PECAM1: variants seen among roughly 807,000 people sequenced by gnomAD.
PECAM1 encodes platelet and endothelial cell adhesion molecule 1, also known as platelet endothelial cell adhesion molecule.
In PECAM1, 8 loss-of-function variants were observed where a neutral mutation model predicts 13.8. The observed-to-expected ratio is 0.58, with a 90% CI of 0.34 to 1.05. The LOEUF (loss-of-function observed/expected upper bound fraction) is 1.05, where lower values mean the gene tolerates loss of function less well. Among genes scored for constraint, PECAM1 ranks in the 50% least tolerant of loss-of-function variants. The pLI is 0.03. For synonymous variants in PECAM1, 136 were observed against 52.6 expected (o/e 2.58, Z -6.86); for missense variants, 304 against 141.2 (o/e 2.15, Z -5.84).
intron 2 of PECAM1, among the ~76,000 whole-genome samples, chr17:64,379,406 G>A (rs1344448650): frequency 6.6e-6 from 1 of 152,172 alleles, no homozygotes; most frequent in African/African-American, 2.4e-5. Context: ...CAGTTGGTTG[G>A]TTGTGGGCAA....
intron 14 of PECAM1, among the ~76,000 whole-genome samples, chr17:64,330,873 A>G (rs1262361402): frequency 6.6e-6 from 1 of 152,094 alleles, no homozygotes; most frequent in Non-Finnish European, 1.5e-5. Flanking sequence ...GGCTTTATAA[A>G]CTTTTTCTGA....
intron 2 of PECAM1, among the ~76,000 whole-genome samples, chr17:64,378,415 G>A (rs1279159390): frequency 1.3e-5 from 2 of 152,166 alleles, no homozygotes; most frequent in Non-Finnish European, 2.9e-5. Context: ...ACCAAGGTGG[G>A]TGGATCACCT....
chr17:64,330,722 T>C (rs34228997), intron 14 of PECAM1, among the ~76,000 whole-genome samples: 70,703 of 150,490 alleles, frequency 0.47, 17,799 homozygotes, highest in East Asian at 0.69. Context: ...AAAAATGATA[T>C]CTGGCCTCAT....
intron 2 of PECAM1, among the ~76,000 whole-genome samples, chr17:64,387,549 T>A (rs73345167): frequency 0.027 from 4,141 of 152,156 alleles, 80 homozygotes; most frequent in Middle Eastern, 0.078. Flanking sequence ...GGAGAGGGAC[T>A]TGAATGCACG....
intron 14 of PECAM1, among the ~76,000 whole-genome samples, chr17:64,333,044 T>C (rs2035171553): frequency 6.6e-6 from 1 of 152,076 alleles, no homozygotes; most frequent in Non-Finnish European, 1.5e-5. Flanking sequence ...TCCCAGCTAC[T>C]TGGAAGCCTG....
chr17:64,348,675 C>T (rs1021295889), intron 12 of PECAM1, among the ~76,000 whole-genome samples: 6 of 152,122 alleles, frequency 3.9e-5, no homozygotes, highest in African/African-American at 1.4e-4. Flanking sequence ...TGACCTCAAG[C>T]GATCCGCCCA....
intron 14 of PECAM1, among the ~76,000 whole-genome samples, chr17:64,330,289 G>C (rs112591191): frequency 2.6e-5 from 4 of 151,992 alleles, no homozygotes; most frequent in African/African-American, 9.7e-5. Flanking sequence ...AAAGTGCTGG[G>C]ATTACAAGTG....
At chr17:64,374,064 C>A (rs1272806261) in intron 4 of PECAM1, among the ~76,000 whole-genome samples, 1 of 152,084 alleles carries the variant, frequency 6.6e-6, no homozygotes, top group African/African-American at 2.4e-5. Flanking sequence ...AGGCTGAGGA[C>A]CTGGCCCCTC....
At chr17:64,325,545 G>A (rs1391099294) in intron 15 of PECAM1, among the ~76,000 whole-genome samples, 2 of 152,196 alleles carry the variant, frequency 1.3e-5, no homozygotes, top group Admixed American at 6.5e-5. Context: ...AGAACAGCCT[G>A]GGCAACATGG....
chr17:64,348,450 C>T, intron 12 of PECAM1, 128 bp from the exon 13 acceptor site: 1 of 360,768 alleles, frequency 2.8e-6, no homozygotes, highest in Admixed American at 4.7e-5. Context: ...CTCTTTCACC[C>T]AGGCTGGAGT....
chr17:64,326,877 T>G (rs2034972926), intron 15 of PECAM1, among the ~76,000 whole-genome samples: 3 of 152,336 alleles, frequency 2.0e-5, no homozygotes, highest in Middle Eastern at 3.4e-3. Context: ...AAAGGTCATT[T>G]TGATTTCAAC....
At chr17:64,362,803 C>T (rs1347590551) in intron 6 of PECAM1, among the ~76,000 whole-genome samples, 1 of 150,584 alleles carries the variant, frequency 6.6e-6, no homozygotes, top group Non-Finnish European at 1.5e-5. Context: ...AGTGAGCTAT[C>T]GTGCCACTGC....
chr17:64,335,821 G>T (rs1384586489), intron 14 of PECAM1, among the ~76,000 whole-genome samples: 2 of 152,144 alleles, frequency 1.3e-5, no homozygotes, highest in African/African-American at 4.8e-5. Context: ...CCGCCCAACC[G>T]CAAGATAATT....
chr17:64,343,750 A>C (rs2035489867), intron 13 of PECAM1, among the ~76,000 whole-genome samples: 2 of 152,192 alleles, frequency 1.3e-5, no homozygotes, highest in Non-Finnish European at 2.9e-5. Flanking sequence ...CTGAGCTACC[A>C]GGGCACCACA....
chr17:64,347,691 G>A, intron 13 of PECAM1, among the ~76,000 whole-genome samples: 1 of 130,332 alleles, frequency 7.7e-6, no homozygotes, highest in Non-Finnish European at 1.6e-5. Flanking sequence ...TATTATATAT[G>A]TATTTATATT....
At chr17:64,369,702 C>A (rs2036195935) in intron 5 of PECAM1, 48 bp downstream of exon 5, 1 of 398,400 alleles carries the variant, frequency 2.5e-6, no homozygotes, top group Non-Finnish European at 4.4e-6. Context: ...GCATGGTGGC[C>A]TCTTGAGCCC....
intron 15 of PECAM1, among the ~76,000 whole-genome samples, chr17:64,328,393 G>A (rs2035015336): frequency 1.3e-5 from 2 of 152,346 alleles, no homozygotes. Context: ...TGGCCGCAGA[G>A]TATAGAGGCC....
intron 10 of PECAM1, among the ~76,000 whole-genome samples, chr17:64,353,150 C>A (rs1487778717): frequency 1.3e-5 from 2 of 151,818 alleles, no homozygotes; most frequent in African/African-American, 4.8e-5. Flanking sequence ...TTTTAAAGGC[C>A]AACTCTATTT....
intron 7 of PECAM1, among the ~76,000 whole-genome samples, chr17:64,358,148 T>G (rs1462384398): frequency 1.7e-5 from 2 of 119,454 alleles, no homozygotes; most frequent in African/African-American, 6.0e-5. Flanking sequence ...AGATAGAGTC[T>G]CACTCTGTCA....
Sources: gnomAD v4.1 joint callset for allele counts (sites outside exome capture counted in the v4.1 genomes callset) on GRCh38, gnomAD v4.1.1 for gene constraint, MANE v1.5 for transcripts, NCBI Gene and HGNC (gene_info 2026-07-23, HGNC 2026-07-21) for gene names.